ST6GAL2: variants seen among roughly 807,000 people sequenced by gnomAD.
ST6GAL2 encodes beta-galactoside alpha-2,6-sialyltransferase 2.
ST6GAL2 carries 24 observed loss-of-function variants against 37.5 expected under a neutral mutation model. The observed-to-expected ratio is 0.64, with a 90% CI of 0.46 to 0.90. The LOEUF is 0.90. Ranked by LOEUF, ST6GAL2 falls within the 40% of genes least tolerant of loss-of-function variation. The pLI, the probability that ST6GAL2 is intolerant of heterozygous loss-of-function variation, is 0.00. For missense variants in ST6GAL2, 715 were observed against 712.7 expected (o/e 1.00, Z -0.04); for synonymous variants, 306 against 295.1 (o/e 1.04, Z -0.38).
intron 1 of ST6GAL2, among the ~76,000 whole-genome samples, chr2:106,847,049 G>T (rs1386159421): frequency 1.3e-5 from 2 of 152,130 alleles, no homozygotes; most frequent in South Asian, 2.1e-4. Context: ...ATTCCATCTG[G>T]TCATACCAAC....
chr2:106,843,253 CGCT>C lies in ST6GAL2; in HGVS notation c.722_724del (p.Lys241del). ...CTGTGCCCTGCTCAGCCCGGCCTCC[CGCT>C]TCCCGCGGAAGCGCACCCCGTGCTT... On this transcript the variant is annotated inframe_deletion, in exon 2 of 6. Transcript: ENST00000409382. 6.3e-7 allele frequency: 1 copy of C among 1,594,296 alleles called. No individual in the cohort carries two copies. Among genetic ancestry groups the C allele is most frequent in the Non-Finnish European group, 8.5e-7 (1 of 1,170,126 alleles).
intron 1 of ST6GAL2, among the ~76,000 whole-genome samples, chr2:106,864,705 T>C (rs1677950334): frequency 6.6e-6 from 1 of 152,206 alleles, no homozygotes; most frequent in South Asian, 2.1e-4. Flanking sequence ...TTCAGGAAGA[T>C]TTTAATTGGG....
At chr2:106,827,721 G>A (rs1015831905) in intron 5 of ST6GAL2, among the ~76,000 whole-genome samples, 2 of 152,162 alleles carry the variant, frequency 1.3e-5, no homozygotes, top group African/African-American at 4.8e-5. Context: ...AGGAGCACAC[G>A]GTGACTCAGA....
At chr2:106,833,367 A>G (rs193017596) in intron 3 of ST6GAL2, among the ~76,000 whole-genome samples, 2 of 152,330 alleles carry the variant, frequency 1.3e-5, no homozygotes, top group Non-Finnish European at 2.9e-5. Flanking sequence ...CTCTGAATTA[A>G]GGAAATATGG....
chr2:106,851,279 T>C (rs1175392813), intron 1 of ST6GAL2, among the ~76,000 whole-genome samples: 1 of 152,232 alleles, frequency 6.6e-6, no homozygotes, highest in Non-Finnish European at 1.5e-5. Context: ...GCCTCACTGC[T>C]GGAAATCACG....
intron 5 of ST6GAL2, among the ~76,000 whole-genome samples, chr2:106,821,298 G>A (rs952621564): frequency 2.0e-5 from 3 of 151,372 alleles, no homozygotes; most frequent in Non-Finnish European, 3.0e-5. Flanking sequence ...GATGAAAAAG[G>A]AGACATAATA....
intron 1 of ST6GAL2, among the ~76,000 whole-genome samples, chr2:106,844,350 TTTGA>T (rs2104524429): frequency 6.6e-6 from 1 of 152,196 alleles, no homozygotes; most frequent in East Asian, 1.9e-4. Flanking sequence ...GCCTTCCCAC[TTTGA>T]TAGACAGTAG....
chr2:106,858,755 G>A (rs879767692), intron 1 of ST6GAL2, among the ~76,000 whole-genome samples: 1 of 152,048 alleles, frequency 6.6e-6, no homozygotes, highest in Non-Finnish European at 1.5e-5. Flanking sequence ...GGTAAGTTTG[G>A]GGATTGAATG....
rs1425070594 is a variant in ST6GAL2, at chr2:106,884,934, T to TATAC, written c.-58+1158_-58+1159insGTAT. 3.9e-3 allele frequency among the ~76,000 whole-genome samples: 470 copies of TATAC among 120,438 alleles called. 17 individuals carry two copies. Among genetic ancestry groups the TATAC allele is most frequent in the African/African-American group, 0.015 (436 of 28,144 alleles). The allele number at this position is 120,438 out of a possible 152,430, so 79.0% of individuals were successfully genotyped here. ...ATATATATATATATATATATATATA[T>TATAC]ACATACACACACACACATATATACA... is the stretch of plus-strand genomic sequence containing the variant. On this transcript the variant is annotated intron_variant, in intron 1 of 5. Coordinates refer to ENST00000409382, the MANE Select transcript of ST6GAL2 (RefSeq NM_001142351.2).
chr2:106,885,621 C>G lies in ST6GAL2; in HGVS notation c.-58+472G>C, dbSNP rs73952406. Among the ~76,000 whole-genome samples the G allele has an allele frequency of 7.2e-3, 1,101 of 152,236 alleles. 16 individuals carry two copies. Among genetic ancestry groups the G allele is most frequent in the African/African-American group, 0.025 (1,041 of 41,528 alleles). ...CAAAAGAATGCATCAAATATCCACT[C>G]CGTAACACCGCGGAAAGTAAACCCA... On this transcript the variant is annotated intron_variant, in intron 1 of 5. Transcript: ENST00000409382.
chr2:106,803,931 T>C lies in ST6GAL2; in HGVS notation c.*2747A>G, dbSNP rs905411112. The C allele has an allele frequency of 3.3e-5, 5 of 152,206 alleles. No homozygotes were observed. Among genetic ancestry groups the C allele is most frequent in the Admixed American group, 1.3e-4 (2 of 15,286 alleles). 9.4% of individuals were successfully genotyped at this position (152,206 alleles called of 1,614,324 possible). A position where few individuals can be genotyped will look rare whatever the true frequency, so the allele number is the denominator to read the frequency against. On this transcript the variant is annotated 3_prime_UTR_variant, in exon 6 of 6. Coordinates refer to ENST00000409382, the MANE Select transcript of ST6GAL2 (RefSeq NM_001142351.2). ...TCAATGTCTGGCAAAATGCTGCCAC[T>C]TAGGACCCATTTGGCTAATACTAGA...
intron 2 of ST6GAL2, among the ~76,000 whole-genome samples, chr2:106,835,837 G>T (rs1308366281): frequency 2.0e-5 from 3 of 152,310 alleles, no homozygotes; most frequent in African/African-American, 7.2e-5. Context: ...ATACATGAAT[G>T]CCTCCAAGTT....
At chr2:106,830,970 G>A (rs1676399638) in intron 4 of ST6GAL2, among the ~76,000 whole-genome samples, 1 of 152,126 alleles carries the variant, frequency 6.6e-6, no homozygotes. Flanking sequence ...CAATAAAGAT[G>A]TTTTCTAAAA....
intron 1 of ST6GAL2, among the ~76,000 whole-genome samples, chr2:106,880,829 C>T (rs1678719933): frequency 1.3e-5 from 2 of 152,164 alleles, no homozygotes; most frequent in Admixed American, 6.5e-5. Context: ...TATCCTAATT[C>T]AAGTTCCCAC....
At chr2:106,857,129 AT>A (rs1034542402) in intron 1 of ST6GAL2, among the ~76,000 whole-genome samples, 10 of 152,218 alleles carry the variant, frequency 6.6e-5, no homozygotes, top group Admixed American at 6.5e-4. Flanking sequence ...CTTAAGTTTT[AT>A]TTTTGAGGAT....
intron 2 of ST6GAL2, among the ~76,000 whole-genome samples, chr2:106,837,716 G>A (rs1048240684): frequency 6.6e-6 from 1 of 152,202 alleles, no homozygotes; most frequent in Non-Finnish European, 1.5e-5. Flanking sequence ...GCCTCAAGCG[G>A]TGGGTGCATT....
rs765501707 is a variant in ST6GAL2 at position 106,843,251 on chromosome 2, C to T, written c.727G>A (p.Glu243Lys). The change falls in exon 2 of 6, where the codon GAG (glutamate) becomes AAG (lysine). Residue 243 changes from glutamate to lysine, a missense_variant. By Grantham distance (56) the Glu-to-Lys change is moderately conservative. This residue lies in a region of ST6GAL2 where 512 missense variants were observed against 488.8 expected (regional missense o/e 1.05). Transcript: ENST00000409382. ...KHGVRFRGKR[E>K]AGLSRAQLLC... The stretch of plus-strand genomic sequence containing the variant: ...AGCTGTGCCCTGCTCAGCCCGGCCT[C>T]CCGCTTCCCGCGGAAGCGCACCCCG... 1.6e-5 allele frequency: 25 copies of T among 1,592,974 alleles called. 1 individual carries two copies. The highest frequency in any genetic ancestry group is 2.1e-5 in the Non-Finnish European group (24 of 1,169,536).
chr2:106,807,176 G>A (rs1024031308), intron 5 of ST6GAL2, among the ~76,000 whole-genome samples: 5 of 151,542 alleles, frequency 3.3e-5, no homozygotes, highest in African/African-American at 7.3e-5. Flanking sequence ...ATATCTATTC[G>A]CTCATTTAAT....
chr2:106,832,864 T>A (rs558496996), intron 3 of ST6GAL2, among the ~76,000 whole-genome samples, 198 bp from the exon 4 acceptor site: 55 of 152,310 alleles, frequency 3.6e-4, no homozygotes, highest in African/African-American at 1.1e-3. Context: ...TACTTTTTTT[T>A]AAAAAAAAGC....
Sources: gnomAD v4.1 joint callset for allele counts (sites outside exome capture counted in the v4.1 genomes callset) on GRCh38, gnomAD v4.1.1 for gene constraint, gnomAD v4.1.1 regional missense constraint, MANE v1.5 for transcripts, NCBI Gene and HGNC (gene_info 2026-07-23, HGNC 2026-07-21) for gene names.